Variants in ZMYND11 observed in about 807,000 individuals in gnomAD.
ZMYND11 encodes the protein zinc finger MYND domain-containing protein 11.
Under a neutral mutation model 84.9 loss-of-function variants are expected in ZMYND11, and 9 were observed. The ratio of observed to expected loss-of-function variants is 0.11; its 90% confidence interval spans 0.06 to 0.18. ZMYND11 has a LOEUF of 0.18. ZMYND11 is among the 10% of genes least tolerant of loss of function. ZMYND11 has a pLI of 1.00. For missense variants in ZMYND11, 409 were observed against 761.0 expected (o/e 0.54, Z 5.44); for synonymous variants, 250 against 244.1 (o/e 1.02, Z -0.23).
At chr10:191,421 A>G (rs1290201100) in intron 2 of ZMYND11, among the ~76,000 whole-genome samples, 3 of 152,212 alleles carry the variant, frequency 2.0e-5, no homozygotes, top group Non-Finnish European at 2.9e-5. Context: ...CATCCTCACA[A>G]CAACTGTGAA....
intron 14 of ZMYND11, among the ~76,000 whole-genome samples, chr10:251,633 G>C (rs1426700973): frequency 1.3e-5 from 2 of 152,112 alleles, no homozygotes; most frequent in African/African-American, 4.8e-5. Flanking sequence ...TGGTACTACT[G>C]TTAGTTCACC....
intron 8 of ZMYND11, 26 bp downstream of exon 8, chr10:240,137 ACT>A (rs1273019281): frequency 4.6e-6 from 7 of 1,532,462 alleles, no homozygotes; most frequent in East Asian, 2.3e-5. Context: ...CAATAGTTAT[ACT>A]CTTTCTATAA....
intron 1 of ZMYND11, among the ~76,000 whole-genome samples, chr10:178,567 G>A (rs566949678): frequency 5.9e-5 from 9 of 152,208 alleles, no homozygotes; most frequent in African/African-American, 1.4e-4. Context: ...TGTCTAAAAT[G>A]GAAGTGTTCC....
chr10:231,360 G>A (rs1948989388), intron 4 of ZMYND11, among the ~76,000 whole-genome samples: 1 of 152,148 alleles, frequency 6.6e-6, no homozygotes, highest in South Asian at 2.1e-4. Context: ...TAGCTGCATA[G>A]ATAAATATGT....
At chr10:240,507 C>G (rs1323555233) in intron 8 of ZMYND11, among the ~76,000 whole-genome samples, 1 of 151,558 alleles carries the variant, frequency 6.6e-6, no homozygotes, top group Non-Finnish European at 1.5e-5. Context: ...TGTCTCAAAA[C>G]AAAACAAAAA....
rs1382232752 is a variant in ZMYND11 at position 253,886 on chromosome 10, A to G, written c.*1416A>G. 1 of 152,670 alleles carries G rather than the reference A, an allele frequency of 6.6e-6. No individual in the cohort carries two copies. The highest frequency in any genetic ancestry group is 1.5e-5 in the Non-Finnish European group (1 of 68,036). The allele number at this position is 152,670 out of a possible 1,614,324, so 9.5% of individuals were successfully genotyped here. ...GTTTGTCAGGGTCACTCTAAAGATA[A>G]AAATGTAACTAAGTCTTCTGTGAAA... On this transcript the variant is annotated 3_prime_UTR_variant, in exon 15 of 15. Transcript: ENST00000381604.
chr10:158,998 T>G (rs539060890), intron 1 of ZMYND11, among the ~76,000 whole-genome samples: 18 of 147,762 alleles, frequency 1.2e-4, no homozygotes, highest in Admixed American at 3.4e-4. Context: ...TTTGTTTTTT[T>G]TTTTTTTTTT....
At chr10:189,052 G>A (rs941175206) in intron 2 of ZMYND11, among the ~76,000 whole-genome samples, 3 of 152,224 alleles carry the variant, frequency 2.0e-5, no homozygotes, top group African/African-American at 7.2e-5. Context: ...TCCCACTCAA[G>A]TGAATGTTTC....
intron 10 of ZMYND11, among the ~76,000 whole-genome samples, chr10:244,762 A>AT (rs1951779408): frequency 6.6e-6 from 1 of 152,302 alleles, no homozygotes; most frequent in South Asian, 2.1e-4. Context: ...TTGCTTTTTT[A>AT]TTTTTTGTAG....
chr10:222,446 A>G (rs557506561), intron 4 of ZMYND11, among the ~76,000 whole-genome samples: 1 of 152,332 alleles, frequency 6.6e-6, no homozygotes, highest in South Asian at 2.1e-4. Flanking sequence ...TAGGTGCCAA[A>G]TAAGTCATGT....
At chr10:241,647 TGA>T (rs1307833855) in intron 9 of ZMYND11, among the ~76,000 whole-genome samples, 6 of 152,244 alleles carry the variant, frequency 3.9e-5, no homozygotes, top group Non-Finnish European at 5.9e-5. Flanking sequence ...CTTGGCTGCC[TGA>T]GAGAAGCCAG....
chr10:234,500 A>ATGTT (rs1328787344), intron 4 of ZMYND11, among the ~76,000 whole-genome samples: 1 of 152,260 alleles, frequency 6.6e-6, no homozygotes, highest in African/African-American at 2.4e-5. Flanking sequence ...TTTGAATAAT[A>ATGTT]TGTTTCCTAT....
In ZMYND11 at chr10:234,982, A is replaced by ATGTATGTG. The variant is rs1554786689; in HGVS notation, c.439-1853_439-1852insATGTGTGT. Among the ~76,000 whole-genome samples the ATGTATGTG allele has an allele frequency of 8.1e-3, 1,203 of 148,994 alleles. 12 individuals are homozygous for ATGTATGTG. The highest frequency in any genetic ancestry group is 0.028 in the South Asian group (131 of 4,600). On this transcript the variant is annotated intron_variant, in intron 4 of 14. Coordinates refer to ENST00000381604, the MANE Select transcript of ZMYND11 (RefSeq NM_001370100.5). Reference sequence around the variant, plus strand: ...AGAGGTGCCCGCTAGTATTTCGCAAATGTGTGTGTGTGTGTGTGTGTGTGT... The same window carrying ATGTATGTG: ...AGAGGTGCCCGCTAGTATTTCGCAAATGTATGTGTGTGTGTGTGTGTGTGTGTGTGTGT...
intron 1 of ZMYND11, among the ~76,000 whole-genome samples, chr10:171,208 A>C (rs946243935): frequency 1.3e-5 from 2 of 152,208 alleles, no homozygotes; most frequent in Non-Finnish European, 2.9e-5. Flanking sequence ...GAAATAAATG[A>C]ATCCACTACT....
At chr10:236,658 A>T (rs1034247229) in intron 4 of ZMYND11, among the ~76,000 whole-genome samples, 180 bp from the exon 5 acceptor site, 1 of 152,202 alleles carries the variant, frequency 6.6e-6, no homozygotes, top group African/African-American at 2.4e-5. Flanking sequence ...TCACCTTGTT[A>T]CATTAGATGC....
chr10:219,644 G>A (rs990389196), intron 3 of ZMYND11, among the ~76,000 whole-genome samples: 17 of 152,026 alleles, frequency 1.1e-4, no homozygotes, highest in African/African-American at 2.7e-4. Flanking sequence ...ACAGCCAAGC[G>A]CCACACACAT....
chr10:171,612 TAAA>T (rs1845338255), intron 1 of ZMYND11, among the ~76,000 whole-genome samples: 1 of 152,082 alleles, frequency 6.6e-6, no homozygotes, highest in East Asian at 1.9e-4. Context: ...TAAATGAGAA[TAAA>T]AATAGTTTAT....
intron 1 of ZMYND11, among the ~76,000 whole-genome samples, chr10:150,219 T>G (rs184643635): frequency 6.6e-6 from 1 of 152,196 alleles, no homozygotes; most frequent in Admixed American, 6.5e-5. Context: ...CTGGTAGAAT[T>G]TGGCTGTGAA....
chr10:169,383 C>T (rs1554764969), intron 1 of ZMYND11, among the ~76,000 whole-genome samples: 1 of 152,032 alleles, frequency 6.6e-6, no homozygotes, highest in East Asian at 1.9e-4. Flanking sequence ...ATAACGTTGA[C>T]CTTTCAGCAA....
Sources: allele counts gnomAD v4.1 joint callset (sites outside exome capture counted in the v4.1 genomes callset), GRCh38; gene constraint gnomAD v4.1.1; transcripts MANE v1.5; gene names NCBI Gene and HGNC (gene_info 2026-07-23, HGNC 2026-07-21).